INPP4A: variants seen among roughly 807,000 people sequenced by gnomAD.
The protein encoded by INPP4A is inositol polyphosphate-4-phosphatase, type I, 107kD.
INPP4A carries 33 observed loss-of-function variants against 119.8 expected under a neutral mutation model. That is an observed-to-expected ratio of 0.28 (90% CI 0.21 to 0.37). The LOEUF is 0.37. Among genes scored for constraint, INPP4A ranks in the 10% least tolerant of loss-of-function variants. The pLI is 1.00. For missense variants in INPP4A, 956 were observed against 1,289.9 expected (o/e 0.74, Z 3.97); for synonymous variants, 496 against 500.7 (o/e 0.99, Z 0.12).
At chr2:98,585,882 T>G (rs1699899035) in intron 24 of INPP4A, among the ~76,000 whole-genome samples, 1 of 152,254 alleles carries the variant, frequency 6.6e-6, no homozygotes, top group African/African-American at 2.4e-5. Flanking sequence ...CACGGCAGTT[T>G]AGCATTTATT....
At chr2:98,565,940 CA>C in intron 20 of INPP4A, 88 bp from the exon 21 acceptor site, 1 of 1,518,372 alleles carries the variant, frequency 6.6e-7, no homozygotes, top group East Asian at 2.4e-5. Context: ...GTTTGGCCAT[CA>C]CTAAGCCAGA....
At chr2:98,500,753 A>C (rs1220073794) in intron 1 of INPP4A, among the ~76,000 whole-genome samples, 6 of 152,204 alleles carry the variant, frequency 3.9e-5, no homozygotes, top group Non-Finnish European at 7.3e-5. Flanking sequence ...GTGGTAGAGG[A>C]ACCTAATCAG....
rs764873492 is a variant in INPP4A at position 98,565,716 on chromosome 2, G to C, written c.2229G>C (p.Gln743His). 6.2e-7 allele frequency: 1 copy of C among 1,613,610 alleles called. No individual in the cohort carries two copies. Among genetic ancestry groups the C allele is most frequent in the East Asian group, 2.2e-5 (1 of 44,868 alleles). ...GGAACGTGACCTTCAAAGTCACTCAGGCCACTTCCAGCGCCTCCGCAGACA... is the reference window on the plus strand; with the variant it reads ...GGAACGTGACCTTCAAAGTCACTCACGCCACTTCCAGCGCCTCCGCAGACA... ...DLRNVTFKVT[Q>H]ATSSASADML... The change falls in exon 20 of 25, where the codon CAG becomes CAC. Residue 743 changes from glutamine to histidine, a missense_variant. By Grantham distance (24) the Gln-to-His change is conservative (BLOSUM62 0). Coordinates refer to ENST00000409851, the MANE Select transcript of INPP4A (RefSeq NM_001134225.2).
chr2:98,504,941 A>T (rs17032843), intron 1 of INPP4A, among the ~76,000 whole-genome samples: 2,352 of 152,204 alleles, frequency 0.015, 69 homozygotes, highest in African/African-American at 0.054. Context: ...GGCAAGGGGG[A>T]TCTACAGCTT....
At chr2:98,580,407 C>A (rs945439943) in intron 24 of INPP4A, among the ~76,000 whole-genome samples, 1 of 152,242 alleles carries the variant, frequency 6.6e-6, no homozygotes, top group Non-Finnish European at 1.5e-5. Flanking sequence ...ATAAACGCTT[C>A]TACCAGGGCC....
At chr2:98,492,494 A>G (rs1277730367) in intron 1 of INPP4A, among the ~76,000 whole-genome samples, 3 of 152,188 alleles carry the variant, frequency 2.0e-5, no homozygotes, top group African/African-American at 4.8e-5. Context: ...TGGGAGGGCC[A>G]ATGCATTAGG....
chr2:98,555,656 T>C lies in INPP4A; in HGVS notation c.1670T>C (p.Val557Ala). ...ERLHGEGCED[V>A]FPCAGSCTSK... ...CTGCATGGCGAGGGCTGTGAGGATG[T>C]CTTCCCCTGTGCAGGCAGCTGCACC... The change falls in exon 16 of 25, where the codon GTC becomes GCC. Residue 557 changes from valine (V) to alanine (A), a missense_variant. By Grantham distance (64) the Val-to-Ala change is moderately conservative (BLOSUM62 0). Coordinates refer to ENST00000409851, the MANE Select transcript of INPP4A (RefSeq NM_001134225.2). 6.2e-7 allele frequency: 1 copy of C among 1,613,958 alleles called. No individual in the cohort carries two copies. The highest frequency in any genetic ancestry group is 1.1e-5 in the South Asian group (1 of 91,080).
rs1313863361 is a variant in INPP4A at position 98,572,806 on chromosome 2, C to T, written c.2519-9C>T. On this transcript the variant is annotated splice_polypyrimidine_tract_variant and intron_variant, in intron 22 of 24. Transcript: ENST00000409851. ...TCACCCACTCCCACGAACTCCTTTT[C>T]TCTTCCAGGCCTGCCTCGGTCTCGC... The T allele has an allele frequency of 6.5e-7, 1 of 1,542,704 alleles. No homozygotes were observed. Among genetic ancestry groups the T allele is most frequent in the Non-Finnish European group, 8.8e-7 (1 of 1,142,762 alleles).
At chr2:98,562,418 TTC>T (rs756647863) in intron 17 of INPP4A, among the ~76,000 whole-genome samples, 34 of 152,220 alleles carry the variant, frequency 2.2e-4, no homozygotes, top group Non-Finnish European at 4.4e-4. Flanking sequence ...GTCTCTGAGA[TTC>T]TGTTTATCTA....
intron 21 of INPP4A, among the ~76,000 whole-genome samples, chr2:98,567,974 G>A (rs995393052): frequency 1.3e-5 from 2 of 152,360 alleles, no homozygotes; most frequent in Middle Eastern, 3.4e-3. Context: ...TTCAGAGCCT[G>A]CATTTCCTAA....
Position 98,591,869 on chromosome 2 carries a change from T to C in INPP4A, c.*4261T>C, listed in dbSNP as rs1257486790. On this transcript the variant is annotated 3_prime_UTR_variant, in exon 25 of 25. Transcript: ENST00000409851. ...ACAGCAGGTTGGCACCATTTTTGAA[T>C]AGAGGTTTCTCACAGTATCCTCAGC... 2 of 152,256 alleles carry C rather than the reference T, an allele frequency of 1.3e-5. No individual in the cohort carries two copies. The highest frequency in any genetic ancestry group is 4.8e-5 in the African/African-American group (2 of 41,460). 9.4% of individuals were successfully genotyped at this position (152,256 alleles called of 1,614,324 possible). A position where few individuals can be genotyped will look rare whatever the true frequency, so the allele number is the denominator to read the frequency against.
intron 1 of INPP4A, among the ~76,000 whole-genome samples, chr2:98,456,633 C>T (rs1696191417): frequency 1.3e-5 from 2 of 152,228 alleles, no homozygotes; most frequent in African/African-American, 4.8e-5. Context: ...AGCCACTGTA[C>T]CCAGCTACTT....
At chr2:98,477,552 C>A (rs1294732737) in intron 1 of INPP4A, among the ~76,000 whole-genome samples, 1 of 152,254 alleles carries the variant, frequency 6.6e-6, no homozygotes. Flanking sequence ...AGTCTTGGGC[C>A]ATTTTGGCTG....
At chr2:98,462,697 TA>T (rs1295087122) in intron 1 of INPP4A, among the ~76,000 whole-genome samples, 1 of 151,838 alleles carries the variant, frequency 6.6e-6, no homozygotes, top group Admixed American at 6.6e-5. Flanking sequence ...GGCTAATTTT[TA>T]ATTTTTTTTT....
Position 98,593,148 on chromosome 2 carries a change from TTTCTTCCTGCATCAG to T in INPP4A, c.*5541_*5555del, listed in dbSNP as rs1242476935. 1 of 152,342 alleles carries T rather than the reference TTTCTTCCTGCATCAG, an allele frequency of 6.6e-6. No individual in the cohort carries two copies. The highest frequency in any genetic ancestry group is 6.5e-5 in the Admixed American group (1 of 15,290). The allele number at this position is 152,342 out of a possible 1,614,324, so 9.4% of individuals were successfully genotyped here. A position where few individuals can be genotyped will look rare whatever the true frequency, so the allele number is the denominator to read the frequency against. On this transcript the variant is annotated 3_prime_UTR_variant, in exon 25 of 25. Transcript: ENST00000409851. ...CACTGGAACCCTGTCTTTGCCATGA[TTTCTTCCTGCATCAG>T]GCCCCTGTGGGCCTTGCAGGCCAGT...
chr2:98,573,871 G>A (rs1229643286), intron 23 of INPP4A, among the ~76,000 whole-genome samples: 1 of 152,170 alleles, frequency 6.6e-6, no homozygotes, highest in African/African-American at 2.4e-5. Context: ...TAACAGTTGT[G>A]GCTGCTGATA....
chr2:98,573,748 C>T (rs758422638), intron 23 of INPP4A, among the ~76,000 whole-genome samples: 2 of 152,294 alleles, frequency 1.3e-5, no homozygotes, highest in Admixed American at 1.3e-4. Flanking sequence ...AGCAGCAGAC[C>T]GTCTCAGCTG....
chr2:98,568,876 C>T (rs748171597), intron 22 of INPP4A: 12 of 531,754 alleles, frequency 2.3e-5, no homozygotes, highest in Non-Finnish European at 4.1e-5. Context: ...TGTCGATTCT[C>T]TACTAGCCTA....
chr2:98,574,376 G>A (rs549242830), intron 23 of INPP4A, among the ~76,000 whole-genome samples: 3 of 152,186 alleles, frequency 2.0e-5, no homozygotes, highest in East Asian at 3.9e-4. Flanking sequence ...GGTGGCTCAC[G>A]CCTGTAATCC....
Sources: allele counts gnomAD v4.1 joint callset (sites outside exome capture counted in the v4.1 genomes callset), GRCh38; gene constraint gnomAD v4.1.1; transcripts MANE v1.5; gene names NCBI Gene and HGNC (gene_info 2026-07-23, HGNC 2026-07-21).